Variants in RCOR1 observed in about 807,000 individuals in gnomAD.
The protein encoded by RCOR1 is REST corepressor.
Under a neutral mutation model 64.0 loss-of-function variants are expected in RCOR1, and 12 were observed. The observed-to-expected ratio is 0.19, with a 90% CI of 0.12 to 0.30. RCOR1 has a LOEUF of 0.30. RCOR1 is among the 10% of genes least tolerant of loss of function. The pLI, the probability that RCOR1 is intolerant of heterozygous loss-of-function variation, is 1.00. For missense variants in RCOR1, 502 were observed against 621.2 expected, an observed-to-expected ratio of 0.81 and a Z score of 2.04; for synonymous variants, 279 against 227.2, an observed-to-expected ratio of 1.23 and a Z score of -2.05.
intron 2 of RCOR1, among the ~76,000 whole-genome samples, chr14:102,647,128 G>T (rs1894492480): frequency 6.6e-6 from 1 of 152,206 alleles, no homozygotes; most frequent in Non-Finnish European, 1.5e-5. Context: ...GCCCAGCGCA[G>T]GGAATAAAAG....
At chr14:102,690,527 G>A (rs1447094434) in intron 3 of RCOR1, among the ~76,000 whole-genome samples, 5 of 152,050 alleles carry the variant, frequency 3.3e-5, no homozygotes, top group Non-Finnish European at 7.4e-5. Flanking sequence ...GGAGGTCCAG[G>A]CTGCAGTGAG....
rs1160635208 is a variant in RCOR1, at chr14:102,712,300, A to G, written c.858+1287A>G. On this transcript the variant is annotated intron_variant, in intron 7 of 11. Coordinates refer to ENST00000262241, the MANE Select transcript of RCOR1 (RefSeq NM_015156.4). The stretch of plus-strand genomic sequence containing the variant: ...CAGATTCAAGTGATTCTCCTGCCTC[A>G]GCCTACCGAGTAGCTGGGATTATAG... 2.0e-5 allele frequency among the ~76,000 whole-genome samples: 3 copies of G among 151,376 alleles called. No homozygotes were observed. The East Asian group carries it at 5.8e-4, about 29-fold the overall frequency.
chr14:102,635,778 A>G (rs1016348967), intron 2 of RCOR1, among the ~76,000 whole-genome samples: 1 of 152,110 alleles, frequency 6.6e-6, no homozygotes, highest in African/African-American at 2.4e-5. Context: ...TGGTGAATTA[A>G]AAATTTAGAT....
intron 6 of RCOR1, 24 bp from the exon 7 acceptor site, chr14:102,710,911 C>T (rs891054044): frequency 2.6e-5 from 40 of 1,521,522 alleles, no homozygotes; most frequent in Non-Finnish European, 3.5e-5. Context: ...AATAATCATT[C>T]AGTAACTTGT....
At chr14:102,662,460 CAG>C in intron 2 of RCOR1, 1 of 541,958 alleles carries the variant, frequency 1.8e-6, no homozygotes, top group Non-Finnish European at 3.6e-6. Context: ...ATGGCAGACT[CAG>C]TGGTCAGCGG....
intron 2 of RCOR1, chr14:102,662,261 G>T: frequency 1.9e-6 from 1 of 528,706 alleles, no homozygotes; most frequent in Admixed American, 1.9e-5. Flanking sequence ...CAATTTTGTT[G>T]GCAACATCCA....
chr14:102,670,218 G>T (rs1895004383), intron 2 of RCOR1, among the ~76,000 whole-genome samples: 1 of 152,164 alleles, frequency 6.6e-6, no homozygotes, highest in Non-Finnish European at 1.5e-5. Context: ...CTCCCAAAGT[G>T]CTGGGGTTAC....
chr14:102,608,031 G>A (rs892513903), intron 2 of RCOR1, among the ~76,000 whole-genome samples: 1 of 151,952 alleles, frequency 6.6e-6, no homozygotes, highest in Non-Finnish European at 1.5e-5. Context: ...ACTCAAGCCC[G>A]GGCGAAACAG....
At chr14:102,653,979 C>A (rs142122933) in intron 2 of RCOR1, among the ~76,000 whole-genome samples, 1 of 22,080 alleles carries the variant, frequency 4.5e-5, no homozygotes, top group African/African-American at 2.2e-4. Context: ...TTCTTTCTTT[C>A]TTTCTTTTTT....
chr14:102,702,671 C>T (rs1228953914), intron 4 of RCOR1, among the ~76,000 whole-genome samples: 3 of 152,086 alleles, frequency 2.0e-5, no homozygotes, highest in Non-Finnish European at 2.9e-5. Flanking sequence ...TCAGTTTATA[C>T]TCAGGCTGAT....
At chr14:102,610,131 A>C (rs1448610114) in intron 2 of RCOR1, among the ~76,000 whole-genome samples, 2 of 141,852 alleles carry the variant, frequency 1.4e-5, no homozygotes, top group African/African-American at 5.0e-5. Context: ...ACTCCATCTC[A>C]AAAAAAAAAA....
At chr14:102,706,128 A>AAAC (rs965563002) in intron 4 of RCOR1, among the ~76,000 whole-genome samples, 1 of 148,342 alleles carries the variant, frequency 6.7e-6, no homozygotes, top group African/African-American at 2.5e-5. Context: ...AAAAAAAAAA[A>AAAC]AAAAAAAAAA....
intron 7 of RCOR1, among the ~76,000 whole-genome samples, chr14:102,712,352 T>G (rs1895977864): frequency 6.7e-6 from 1 of 149,874 alleles, no homozygotes; most frequent in Non-Finnish European, 1.5e-5. Flanking sequence ...CCTGCTAGGT[T>G]TTTTTTTTTG....
At chr14:102,627,507 A>G (rs1402858861) in intron 2 of RCOR1, among the ~76,000 whole-genome samples, 1 of 152,154 alleles carries the variant, frequency 6.6e-6, no homozygotes, top group Non-Finnish European at 1.5e-5. Context: ...AAATACAAAA[A>G]TTAGCTGGGC....
At chr14:102,635,439 G>A (rs1894215915) in intron 2 of RCOR1, among the ~76,000 whole-genome samples, 3 of 152,118 alleles carry the variant, frequency 2.0e-5, no homozygotes, top group African/African-American at 7.2e-5. Flanking sequence ...AGGAGGCGGA[G>A]GTTGCAGTGA....
intron 2 of RCOR1, among the ~76,000 whole-genome samples, chr14:102,654,187 G>A (rs570626168): frequency 8.6e-4 from 131 of 151,504 alleles, no homozygotes; most frequent in Non-Finnish European, 1.6e-3. Flanking sequence ...GGGTTTCACC[G>A]TGTTAGCCAG....
intron 2 of RCOR1, among the ~76,000 whole-genome samples, chr14:102,599,494 G>A (rs1467942962): frequency 2.0e-5 from 3 of 152,018 alleles, no homozygotes; most frequent in Non-Finnish European, 4.4e-5. Flanking sequence ...TGCTTCAGAG[G>A]CGTACATTGT....
chr14:102,675,736 C>T (rs1211175383), intron 2 of RCOR1, among the ~76,000 whole-genome samples: 1 of 152,168 alleles, frequency 6.6e-6, no homozygotes, highest in Non-Finnish European at 1.5e-5. Context: ...AATTAGGATA[C>T]CAAAGAGTTC....
At chr14:102,719,908 C>CA (rs1199118202) in intron 8 of RCOR1, among the ~76,000 whole-genome samples, 1 of 151,888 alleles carries the variant, frequency 6.6e-6, no homozygotes, top group Non-Finnish European at 1.5e-5. Context: ...CATTTTTAGC[C>CA]AAAAAGGAAT....
Sources: allele counts gnomAD v4.1 joint callset (sites outside exome capture counted in the v4.1 genomes callset), GRCh38; gene constraint gnomAD v4.1.1; transcripts MANE v1.5; gene names NCBI Gene and HGNC (gene_info 2026-07-23, HGNC 2026-07-21).